IFFO2: variants seen among roughly 807,000 people sequenced by gnomAD.
IFFO2 encodes intermediate filament family orphan 2.
IFFO2 carries 19 observed loss-of-function variants against 53.5 expected under a neutral mutation model. The ratio of observed to expected loss-of-function variants is 0.36; its 90% CI spans 0.25 to 0.52. The LOEUF (loss-of-function observed/expected upper bound fraction) is 0.52. IFFO2 is among the 20% of genes least tolerant of loss of function. The pLI is 0.94. For synonymous variants in IFFO2, 303 were observed against 313.6 expected, an observed-to-expected ratio of 0.97 and a Z score of 0.36; for missense variants, 570 against 727.4, an observed-to-expected ratio of 0.78 and a Z score of 2.49.
intron 1 of IFFO2, among the ~76,000 whole-genome samples, chr1:18,932,658 TATG>T (rs1936394412): frequency 6.6e-6 from 1 of 152,226 alleles, no homozygotes; most frequent in South Asian, 2.1e-4. Flanking sequence ...AGATGGAAGC[TATG>T]ATTAGTCATG....
chr1:18,927,910 T>C (rs1210130807), intron 1 of IFFO2, among the ~76,000 whole-genome samples: 2 of 151,808 alleles, frequency 1.3e-5, no homozygotes, highest in African/African-American at 4.8e-5. Flanking sequence ...TTGCACACCA[T>C]CCCCCTCGAA....
intron 8 of IFFO2, among the ~76,000 whole-genome samples, chr1:18,909,831 C>T (rs1277113170): frequency 6.6e-6 from 1 of 152,150 alleles, no homozygotes; most frequent in East Asian, 1.9e-4. Flanking sequence ...CTCCTGGGCT[C>T]AAGCAATCCT....
In IFFO2 at chr1:18,905,903, T is replaced by C. The variant is rs565682284; in HGVS notation, c.*2658A>G. On this transcript the variant is annotated 3_prime_UTR_variant, in exon 9 of 9. Coordinates refer to ENST00000455833, the MANE Select transcript of IFFO2 (RefSeq NM_001136265.2). ...TTAGAAATAGAAAGTCAAAATTAAG[T>C]ATTTACAGCTTTACAAAGGATGGAC... 18 of 152,188 alleles carry C rather than the reference T, an allele frequency of 1.2e-4. No individual in the cohort carries two copies. The highest frequency in any genetic ancestry group is 4.1e-4 in the African/African-American group (17 of 41,508). 9.4% of individuals were successfully genotyped at this position (152,188 alleles called of 1,614,324 possible).
At chr1:18,926,882 G>A (rs1936305106) in intron 1 of IFFO2, among the ~76,000 whole-genome samples, 1 of 152,176 alleles carries the variant, frequency 6.6e-6, no homozygotes, top group Non-Finnish European at 1.5e-5. Flanking sequence ...GAGGCTCGAG[G>A]CTCCCGCTCA....
intron 1 of IFFO2, among the ~76,000 whole-genome samples, chr1:18,941,347 G>T (rs6679392): frequency 1.3e-5 from 2 of 152,336 alleles, no homozygotes; most frequent in African/African-American, 2.4e-5. Context: ...TCCCACCTTG[G>T]GGGGTGATGT....
chr1:18,916,999 T>A lies in IFFO2; in HGVS notation c.1007A>T (p.Asp336Val). 1.3e-6 allele frequency: 2 copies of A among 1,552,188 alleles called. No homozygotes were observed. The highest frequency in any genetic ancestry group is 1.7e-6 in the Non-Finnish European group (2 of 1,147,098). The change falls in exon 5 of 9, where the codon GAC becomes GTC. Residue 336 changes from aspartate to valine, a missense_variant. Asp to Val is a radical substitution (Grantham distance 152). Transcript: ENST00000455833. The surrounding 1 kb of genome is among the most constrained non-coding windows in gnomAD (Gnocchi z 4.3). ...CACCTCCCCGTCCTGCTCAGAGATG[T>A]CATCATCGGAAGCCACCTTACGCTC... is the stretch of plus-strand genomic sequence containing the variant. The part of the protein sequence containing the change: ...KKERKVASDD[D>V]ISEQDGEVNR...
intron 1 of IFFO2, 97 bp from the exon 2 acceptor site, chr1:18,921,218 G>T: frequency 9.1e-7 from 1 of 1,094,540 alleles, no homozygotes; most frequent in South Asian, 1.3e-5. Context: ...GGACTATCTT[G>T]AGCTGGGCAA....
intron 8 of IFFO2, 22 bp from the exon 9 acceptor site, chr1:18,908,688 G>A: frequency 1.3e-6 from 2 of 1,529,966 alleles, no homozygotes; most frequent in South Asian, 2.4e-5. Flanking sequence ...AAGAGAGTGG[G>A]GAAATTCAGA....
In IFFO2 at chr1:18,954,437, A is replaced by G. The variant is rs539604312; in HGVS notation, c.665+1231T>C. 1.4e-3 allele frequency among the ~76,000 whole-genome samples: 209 copies of G among 152,334 alleles called. 2 individuals carry two copies. The highest frequency in any genetic ancestry group is 4.8e-3 in the African/African-American group (201 of 41,578). Reference sequence around the variant, plus strand: ...TCCTACCCAGTTGCTAGCCTGTCCAATGGGAGAATACGGAAGGAGACCTAT... The same window carrying G: ...TCCTACCCAGTTGCTAGCCTGTCCAGTGGGAGAATACGGAAGGAGACCTAT... On this transcript the variant is annotated intron_variant, in intron 1 of 8. Coordinates refer to ENST00000455833, the MANE Select transcript of IFFO2 (RefSeq NM_001136265.2).
At chr1:18,931,895 T>A (rs1204117623) in intron 1 of IFFO2, among the ~76,000 whole-genome samples, 1 of 152,230 alleles carries the variant, frequency 6.6e-6, no homozygotes, top group Admixed American at 6.5e-5. Flanking sequence ...CACGGTCAGA[T>A]GCACAGATGT....
Position 18,953,662 on chromosome 1 carries a change from T to C in IFFO2, c.665+2006A>G, listed in dbSNP as rs962301550. ...ATCCAACATGAGTCTTGAGTTAACT[T>C]CAGAAAATAAATGGAAGACAAGGTG... On this transcript the variant is annotated intron_variant, in intron 1 of 8. Coordinates refer to ENST00000455833, the MANE Select transcript of IFFO2 (RefSeq NM_001136265.2). Among the ~76,000 whole-genome samples, 5 of 151,982 alleles carry C rather than the reference T, an allele frequency of 3.3e-5. No homozygotes were observed. In the East Asian group the frequency reaches 7.7e-4, roughly 23 times the overall value.
At chr1:18,921,149 C>G in intron 1 of IFFO2, 28 bp from the exon 2 acceptor site, 1 of 1,548,764 alleles carries the variant, frequency 6.5e-7, no homozygotes, top group Non-Finnish European at 8.7e-7. Context: ...AACAGGTGGT[C>G]AGAAGGTGAG....
Position 18,917,358 on chromosome 1 carries a change from C to T in IFFO2, c.964-316G>A, listed in dbSNP as rs1288126160. Among the ~76,000 whole-genome samples the T allele has an allele frequency of 2.0e-5, 3 of 152,154 alleles. No homozygotes were observed. Among genetic ancestry groups the T allele is most frequent in the Non-Finnish European group, 4.4e-5 (3 of 68,028 alleles). ...GAGAGGAGCAGGCCAGACCGGGACA[C>T]AGAGTTGCCTGGGATATCTCAGAGC... On this transcript the variant is annotated intron_variant, in intron 4 of 8. Transcript: ENST00000455833. This position sits in a 1 kb window ranked among gnomAD's most constrained non-coding sequence, Gnocchi z 5.9.
chr1:18,918,118 C>T lies in IFFO2; in HGVS notation c.963+244G>A, dbSNP rs997022336. On this transcript the variant is annotated intron_variant, in intron 4 of 8. Transcript: ENST00000455833. This position sits in a 1 kb window ranked among gnomAD's most constrained non-coding sequence, Gnocchi z 5.2. ...GCCACTTCCTTCCGTGAGCACAGCACATCACCCTCTGGGCCTCGGTCTCCC... is the reference window on the plus strand; with the variant it reads ...GCCACTTCCTTCCGTGAGCACAGCATATCACCCTCTGGGCCTCGGTCTCCC... 4.6e-5 allele frequency among the ~76,000 whole-genome samples: 7 copies of T among 152,246 alleles called. No individual in the cohort carries two copies. The highest frequency in any genetic ancestry group is 1.7e-4 in the African/African-American group (7 of 41,468).
chr1:18,916,925 T>C lies in IFFO2; in HGVS notation c.1081A>G (p.Met361Val), dbSNP rs913497159. The change falls in exon 5 of 9, where the codon ATG becomes GTG. Residue 361 changes from methionine (M) to valine (V), a missense_variant. Coordinates refer to ENST00000455833, the MANE Select transcript of IFFO2 (RefSeq NM_001136265.2). This position sits in a 1 kb window ranked among gnomAD's most constrained non-coding sequence, Gnocchi z 4.3. The part of the protein sequence containing the change: ...EVGSMNITDE[M>V]KRMFNQLRET... ...CACAGCTGGTTAAACATGCGCTTCA[T>C]CTCATCGGTGATGTTCATGGAGCCG... 2 of 1,551,876 alleles carry C rather than the reference T, an allele frequency of 1.3e-6. No individual in the cohort carries two copies. The highest frequency in any genetic ancestry group is 8.7e-7 in the Non-Finnish European group (1 of 1,147,030).
At chr1:18,948,256 G>A (rs979341558) in intron 1 of IFFO2, among the ~76,000 whole-genome samples, 31 of 152,340 alleles carry the variant, frequency 2.0e-4, no homozygotes, top group East Asian at 5.8e-4. Flanking sequence ...AGCAGAACTC[G>A]TAAGAAACCA....
rs1936160517 is a variant in IFFO2, at chr1:18,917,997, C to T, written c.963+365G>A. The stretch of plus-strand genomic sequence containing the variant: ...GGTTCCCCAACCGTGGGGATGATGC[C>T]CAGTTCTGGCACCCAGAGGAAGGGG... On this transcript the variant is annotated intron_variant, in intron 4 of 8. Transcript: ENST00000455833. The surrounding 1 kb of genome is among the most constrained non-coding windows in gnomAD (Gnocchi z 5.9). Among the ~76,000 whole-genome samples, 1 of 152,206 alleles carries T rather than the reference C, an allele frequency of 6.6e-6. No individual in the cohort carries two copies. Among genetic ancestry groups the T allele is most frequent in the Non-Finnish European group, 1.5e-5 (1 of 68,028 alleles).
chr1:18,910,534 C>A (rs998462239), intron 7 of IFFO2, 62 bp from the exon 8 acceptor site: 1 of 1,547,250 alleles, frequency 6.5e-7, no homozygotes, highest in Non-Finnish European at 8.7e-7. Flanking sequence ...GAAGCCTCGG[C>A]AACCTCTCCT....
chr1:18,938,159 C>T (rs528072637), intron 1 of IFFO2, among the ~76,000 whole-genome samples: 16 of 152,352 alleles, frequency 1.1e-4, no homozygotes, highest in Admixed American at 4.6e-4. Flanking sequence ...TCAGCCGCTC[C>T]GCAGCTGGTG....
Sources: gnomAD v4.1 joint callset for allele counts (sites outside exome capture counted in the v4.1 genomes callset) on GRCh38, gnomAD v4.1.1 for gene constraint, Gnocchi (gnomAD v3.1) non-coding constraint, MANE v1.5 for transcripts, NCBI Gene and HGNC (gene_info 2026-07-23, HGNC 2026-07-21) for gene names.